The following VPS53 variants were observed in gnomAD, a reference collection of about 807,000 sequenced individuals.
VPS53 encodes VPS53 subunit of GARP complex.
In VPS53, 70 loss-of-function variants were observed where a neutral mutation model predicts 107.0. The observed-to-expected ratio is 0.65, with a 90% CI of 0.54 to 0.80. The LOEUF is 0.80. VPS53 is among the 30% of genes least tolerant of loss of function. The pLI is 0.00. For synonymous variants in VPS53, 409 were observed against 393.3 expected (o/e 1.04, Z -0.47); for missense variants, 917 against 1,049.4 (o/e 0.87, Z 1.74).
At chr17:564,931 C>T (rs1400046601) in intron 13 of VPS53, among the ~76,000 whole-genome samples, 2 of 152,138 alleles carry the variant, frequency 1.3e-5, no homozygotes, top group Non-Finnish European at 2.9e-5. Flanking sequence ...GAAGGGTTCC[C>T]ACCACTCCTG....
Position 547,565 on chromosome 17 carries a change from A to G in VPS53, c.1866+4307T>C, listed in dbSNP as rs186337437. ...ACGGGGTTTCTTTTTGGGGTAATGA[A>G]GATGTTCTGGAATTAGATGGTGGTG... On this transcript the variant is annotated intron_variant, in intron 17 of 21. Transcript: ENST00000437048. 4.1e-4 allele frequency among the ~76,000 whole-genome samples: 62 copies of G among 152,308 alleles called. No homozygotes were observed. In the East Asian group the frequency reaches 0.011, roughly 28 times the overall value.
At chr17:623,458 C>T in intron 11 of VPS53, 75 bp downstream of exon 11, 2 of 1,534,904 alleles carry the variant, frequency 1.3e-6, no homozygotes, top group Non-Finnish European at 1.8e-6. Flanking sequence ...GATAGAGTCA[C>T]CATACAGTGA....
At chr17:607,883 G>T (rs1261861522) in intron 11 of VPS53, among the ~76,000 whole-genome samples, 1 of 152,122 alleles carries the variant, frequency 6.6e-6, no homozygotes, top group East Asian at 1.9e-4. Flanking sequence ...AGAAGGGAAA[G>T]TCTGGCTTCA....
chr17:638,839 G>A (rs575083375), intron 7 of VPS53, among the ~76,000 whole-genome samples: 257 of 152,288 alleles, frequency 1.7e-3, no homozygotes, highest in Non-Finnish European at 3.1e-3. Flanking sequence ...CTCTCTGACT[G>A]CCTTTAACAT....
At chr17:538,856 T>G (rs2151816656) in intron 17 of VPS53, 1 of 152,320 alleles carries the variant, frequency 6.6e-6, no homozygotes, top group East Asian at 1.9e-4. Flanking sequence ...ATTCTAATGC[T>G]TTGGTTATGT....
chr17:625,305 A>G (rs980713252), intron 10 of VPS53, among the ~76,000 whole-genome samples: 3 of 152,080 alleles, frequency 2.0e-5, no homozygotes, highest in African/African-American at 4.8e-5. Flanking sequence ...GTTTCTTAGA[A>G]TAACAGCCAC....
chr17:643,677 C>T (rs563134791), intron 7 of VPS53, among the ~76,000 whole-genome samples: 28 of 149,636 alleles, frequency 1.9e-4, no homozygotes, highest in Non-Finnish European at 3.1e-4. Context: ...ACTTGGAAAG[C>T]GAGGACAACA....
At chr17:645,179 A>C (rs148976327) in intron 7 of VPS53, among the ~76,000 whole-genome samples, 2 of 152,246 alleles carry the variant, frequency 1.3e-5, no homozygotes, top group African/African-American at 4.8e-5. Flanking sequence ...AAGCAAAAAG[A>C]AACAAGTGGG....
Position 518,835 on chromosome 17 carries a change from G to T in VPS53, c.*293C>A. On this transcript the variant is annotated 3_prime_UTR_variant, in exon 22 of 22. Transcript: ENST00000437048. ...CGTGTCAAGAGGGTGTGACTGCCAT[G>T]GGGAGGCTACATGAGTCAAGGGCAG... The T allele has an allele frequency of 3.4e-6, 1 of 290,858 alleles. No individual in the cohort carries two copies. The highest frequency in any genetic ancestry group is 6.3e-6 in the Non-Finnish European group (1 of 158,348). 18.0% of individuals were successfully genotyped at this position (290,858 alleles called of 1,614,324 possible).
intron 4 of VPS53, among the ~76,000 whole-genome samples, chr17:673,435 T>C (rs1972042788): frequency 3.3e-5 from 5 of 152,264 alleles, no homozygotes; most frequent in Admixed American, 3.3e-4. Context: ...ACGACGGTGC[T>C]CAACAGCAGC....
chr17:603,880 A>T (rs4968094), intron 11 of VPS53, among the ~76,000 whole-genome samples: 53,614 of 152,108 alleles, frequency 0.35, 11,322 homozygotes, highest in Non-Finnish European at 0.47. Flanking sequence ...CAACAACCAT[A>T]AAAAAATTAA....
chr17:555,196 T>C (rs1912221436), intron 15 of VPS53, among the ~76,000 whole-genome samples: 1 of 152,388 alleles, frequency 6.6e-6, no homozygotes, highest in South Asian at 2.1e-4. Context: ...CTTGCCACTT[T>C]CCACCTTGCC....
intron 4 of VPS53, among the ~76,000 whole-genome samples, chr17:665,766 A>C (rs761929884): frequency 2.0e-5 from 3 of 152,242 alleles, no homozygotes; most frequent in Non-Finnish European, 2.9e-5. Context: ...GTACTTTGGG[A>C]GCCTGAGGCG....
rs1357166781 is a variant in VPS53 at position 598,488 on chromosome 17, C to A, written c.1218+3307G>T. ...TCTGGAAAGTGAGGAGCGTCTCCGC[C>A]CGGCCGCCATCCCACCTAGGAAGTG... On this transcript the variant is annotated intron_variant, in intron 12 of 21. Coordinates refer to ENST00000437048, the MANE Select transcript of VPS53 (RefSeq NM_001128159.3). Among the ~76,000 whole-genome samples the A allele has an allele frequency of 4.0e-4, 61 of 151,770 alleles. No individual in the cohort carries two copies. The East Asian group carries it at 0.012, about 29-fold the overall frequency.
In VPS53 at chr17:519,241, C is replaced by T. The variant is rs547449768; in HGVS notation, c.2386G>A (p.Ala796Thr). The T allele has an allele frequency of 1.3e-5, 20 of 1,544,484 alleles. No homozygotes were observed. The highest frequency in any genetic ancestry group is 7.2e-5 in the South Asian group (6 of 83,308). ...GAGCTTTCTGCCCCCGAGGGCGGTG[C>T]GGGGAGCCGCTGGCGCAGGAGTTCC... ...MLELLRQRLP[A>T]PPSGAESSGS... is the part of the protein sequence containing the mutation. The change falls in exon 22 of 22, where the codon GCA becomes ACA. Residue 796 changes from alanine (A) to threonine (T), a missense_variant. Ala to Thr is a moderately conservative substitution (Grantham distance 58). Transcript: ENST00000437048. The surrounding 1 kb of genome is among the most constrained non-coding windows in gnomAD (Gnocchi z 5.0).
At chr17:553,829 C>G (rs1912094707) in intron 15 of VPS53, among the ~76,000 whole-genome samples, 1 of 152,162 alleles carries the variant, frequency 6.6e-6, no homozygotes, top group Non-Finnish European at 1.5e-5. Flanking sequence ...CTTGGCCTCC[C>G]AAAGTGCTGA....
At chr17:663,668 T>C (rs1971563584) in intron 4 of VPS53, among the ~76,000 whole-genome samples, 1 of 152,214 alleles carries the variant, frequency 6.6e-6, no homozygotes, top group South Asian at 2.1e-4. Flanking sequence ...TGCACTGGAC[T>C]GTCCGTGACT....
intron 12 of VPS53, among the ~76,000 whole-genome samples, chr17:598,803 G>A (rs1462869377): frequency 4.2e-5 from 5 of 119,030 alleles, no homozygotes; most frequent in African/African-American, 1.2e-4. Context: ...CTCTCTGCCC[G>A]GCAGCCACCC....
At chr17:623,754 A>C in intron 10 of VPS53, 80 bp from the exon 11 acceptor site, 2 of 1,414,302 alleles carry the variant, frequency 1.4e-6, no homozygotes, top group Non-Finnish European at 1.9e-6. Context: ...GCCTTAGCTT[A>C]TATTCAGAAA....
Sources: allele counts gnomAD v4.1 joint callset (sites outside exome capture counted in the v4.1 genomes callset), GRCh38; gene constraint gnomAD v4.1.1; non-coding constraint Gnocchi (gnomAD v3.1); transcripts MANE v1.5; gene names NCBI Gene and HGNC (gene_info 2026-07-23, HGNC 2026-07-21).